Variants in ARCN1 observed in about 807,000 individuals in gnomAD.
ARCN1 encodes the protein archain 1 coat protein complex I subunit delta.
In ARCN1, 5 loss-of-function variants were observed where a neutral mutation model predicts 60.4. The observed-to-expected ratio is 0.08, with a 90% CI of 0.04 to 0.17. The LOEUF is 0.17. Ranked by LOEUF, ARCN1 falls within the 10% of genes least tolerant of loss-of-function variation. The probability of loss-of-function intolerance (pLI) is 1.00; values close to 1 mark genes in which losing one functional copy is unlikely to be tolerated. For synonymous variants in ARCN1, 224 were observed against 220.0 expected, an observed-to-expected ratio of 1.02 and a Z score of -0.16; for missense variants, 464 against 626.5, an observed-to-expected ratio of 0.74 and a Z score of 2.77.
chr11:118,576,277 C>CA (rs1555073546), intron 1 of ARCN1, among the ~76,000 whole-genome samples: 1 of 150,820 alleles, frequency 6.6e-6, no homozygotes, highest in East Asian at 1.9e-4. Context: ...AGTTGTTTGG[C>CA]AAAGCTCAAC....
Position 118,583,954 on chromosome 11 carries a change from C to T in ARCN1, c.593C>T (p.Ala198Val), listed in dbSNP as rs1329020724. ...GCAGTATCTGGAGGCAGCACAGCTGCCATGATCACAGAGACCATCATTGAA... is the reference window on the plus strand; with the variant it reads ...GCAGTATCTGGAGGCAGCACAGCTGTCATGATCACAGAGACCATCATTGAA... The part of the protein sequence containing the change: ...SSAVSGGSTA[A>V]MITETIIETD... The change falls in exon 4 of 10, where the codon GCC (alanine) becomes GTC (valine). Residue 198 changes from alanine (A) to valine (V), a missense_variant. Around this residue, in one of 2 missense-constraint regions of ARCN1, gnomAD observed 359 missense variants for 440.2 expected, o/e 0.82. Transcript: ENST00000264028. The T allele has an allele frequency of 6.2e-6, 10 of 1,614,110 alleles. No individual in the cohort carries two copies. The highest frequency in any genetic ancestry group is 7.6e-6 in the Non-Finnish European group (9 of 1,180,054).
intron 6 of ARCN1, among the ~76,000 whole-genome samples, chr11:118,590,978 G>A (rs1012353201): frequency 2.6e-5 from 4 of 152,196 alleles, no homozygotes; most frequent in Non-Finnish European, 5.9e-5. Context: ...TGAGGGCTGA[G>A]CAACAAGACC....
chr11:118,587,859 T>C (rs908031035), intron 5 of ARCN1, among the ~76,000 whole-genome samples: 2 of 152,206 alleles, frequency 1.3e-5, no homozygotes, highest in African/African-American at 4.8e-5. Flanking sequence ...GTTCAATTAA[T>C]CTGCTAGAGC....
At chr11:118,576,027 T>G (rs1004403517) in intron 1 of ARCN1, among the ~76,000 whole-genome samples, 1 of 152,160 alleles carries the variant, frequency 6.6e-6, no homozygotes, top group Middle Eastern at 3.4e-3. Flanking sequence ...TTACAGAACT[T>G]TAAAGACACA....
At chr11:118,590,674 AGAGT>A (rs1938884998) in intron 6 of ARCN1, among the ~76,000 whole-genome samples, 168 bp downstream of exon 6, 1 of 152,224 alleles carries the variant, frequency 6.6e-6, no homozygotes, top group Non-Finnish European at 1.5e-5. Flanking sequence ...TAGCTACCTG[AGAGT>A]GAGTAAAGCA....
At chr11:118,582,160 G>A (rs782502906) in intron 2 of ARCN1, among the ~76,000 whole-genome samples, 3 of 151,882 alleles carry the variant, frequency 2.0e-5, no homozygotes, top group South Asian at 2.1e-4. Flanking sequence ...TTTTAAAGAC[G>A]GAGTCTCGCT....
intron 8 of ARCN1, 32 bp from the exon 9 acceptor site, chr11:118,597,675 A>G (rs887374838): frequency 6.2e-7 from 1 of 1,610,468 alleles, no homozygotes; most frequent in Non-Finnish European, 8.5e-7. Context: ...AGCTCTGAAC[A>G]GCTACCTTGA....
At chr11:118,576,785 G>A (rs1324545837) in intron 1 of ARCN1, among the ~76,000 whole-genome samples, 2 of 152,064 alleles carry the variant, frequency 1.3e-5, no homozygotes, top group African/African-American at 2.4e-5. Flanking sequence ...GGGGAACTAT[G>A]GTCCTATTTT....
intron 5 of ARCN1, among the ~76,000 whole-genome samples, chr11:118,588,463 G>A (rs1693297892): frequency 6.6e-6 from 1 of 152,148 alleles, no homozygotes; most frequent in African/African-American, 2.4e-5. Flanking sequence ...CGGTATGTAT[G>A]TATATCATAA....
At chr11:118,590,998 C>A (rs1288394580) in intron 6 of ARCN1, among the ~76,000 whole-genome samples, 1 of 152,184 alleles carries the variant, frequency 6.6e-6, no homozygotes. Context: ...CCTATCTCTA[C>A]AAAAACTTAA....
chr11:118,584,057 A>G (rs1555075107), intron 4 of ARCN1, 43 bp downstream of exon 4: 26 of 1,557,734 alleles, frequency 1.7e-5, no homozygotes, highest in South Asian at 3.4e-5. Flanking sequence ...AAGGGTGTAT[A>G]TGTGTCTATC....
In ARCN1 at chr11:118,583,889, G is replaced by A. The variant is rs1555075038; in HGVS notation, c.528G>A (p.Gln176=). The A allele has an allele frequency of 6.2e-7, 1 of 1,614,090 alleles. No individual in the cohort carries two copies. Among genetic ancestry groups the A allele is most frequent in the African/African-American group, 1.3e-5 (1 of 74,934 alleles). The change falls in exon 4 of 10, where the codon CAG becomes CAA. Residue 176 remains glutamine (Q), a synonymous_variant. Transcript: ENST00000264028. ...LQQARRDAER[Q]GKKAPGFGGF... ...AGGCCCGAAGAGATGCAGAGAGACAGGGCAAAAAAGCACCAGGATTTGGCG... is the reference window on the plus strand; with the variant it reads ...AGGCCCGAAGAGATGCAGAGAGACAAGGCAAAAAAGCACCAGGATTTGGCG...
intron 1 of ARCN1, among the ~76,000 whole-genome samples, chr11:118,576,866 C>T (rs2135533205): frequency 6.6e-6 from 1 of 152,200 alleles, no homozygotes; most frequent in South Asian, 2.1e-4. Flanking sequence ...TACCCTACTT[C>T]TTTCTTCATC....
chr11:118,593,753 ACT>A, intron 8 of ARCN1, 55 bp downstream of exon 8: 2 of 1,282,580 alleles, frequency 1.6e-6, no homozygotes, highest in South Asian at 1.2e-5. Context: ...GTCTTTTGGA[ACT>A]CATTTTGGAG....
chr11:118,602,007 A>G lies in ARCN1; in HGVS notation c.*1293A>G, dbSNP rs1169265100. ...CTTCCAGACTGCACTCTCTGTCATC[A>G]GTCCCCTCCTTTCTAACAGAAATGG... On this transcript the variant is annotated 3_prime_UTR_variant, in exon 10 of 10. Transcript: ENST00000264028. The G allele has an allele frequency of 1.3e-5, 5 of 384,836 alleles. No individual in the cohort carries two copies. The highest frequency in any genetic ancestry group is 8.1e-5 in the African/African-American group (4 of 49,088). 23.8% of individuals were successfully genotyped at this position (384,836 alleles called of 1,614,324 possible). A position where few individuals can be genotyped will look rare whatever the true frequency, so the allele number is the denominator to read the frequency against.
chr11:118,590,603 T>C (rs550572232), intron 6 of ARCN1, 97 bp downstream of exon 6: 157 of 1,274,274 alleles, frequency 1.2e-4, no homozygotes, highest in Non-Finnish European at 1.7e-4. Flanking sequence ...GAAAATTACT[T>C]AAGTTATATA....
At position 118,583,998 on chromosome 11, in the gene ARCN1, G is replaced by A. The variant is rs782484136; in HGVS notation, c.637G>A (p.Ala213Thr). The A allele has an allele frequency of 1.9e-6, 3 of 1,614,056 alleles. No individual in the cohort carries two copies. The change falls in exon 4 of 10, where the codon GCA becomes ACA. Residue 213 changes from alanine to threonine, a missense_variant. Ala to Thr is a moderately conservative substitution (Grantham distance 58). Transcript: ENST00000264028. Reference sequence around the variant, plus strand: ...CATTGAAACTGATAAACCAAAAGTGGCACCTGCACCAGCCAGGTATAATCC... The same window carrying A: ...CATTGAAACTGATAAACCAAAAGTGACACCTGCACCAGCCAGGTATAATCC... ...TIIETDKPKV[A>T]PAPARPSGPS...
At chr11:118,599,274 G>A (rs782596729) in intron 9 of ARCN1, among the ~76,000 whole-genome samples, 1 of 151,624 alleles carries the variant, frequency 6.6e-6, no homozygotes, top group Non-Finnish European at 1.5e-5. Context: ...TGTATTTTTA[G>A]TAAAGACGGT....
At chr11:118,597,662 TC>T (rs782327231) in intron 8 of ARCN1, 44 bp from the exon 9 acceptor site, 471 of 1,601,576 alleles carry the variant, frequency 2.9e-4, no homozygotes, top group Non-Finnish European at 3.9e-4. Flanking sequence ...GTGGTGGAGT[TC>T]TAGCTCTGAA....
Sources: allele counts gnomAD v4.1 joint callset (sites outside exome capture counted in the v4.1 genomes callset), GRCh38; gene constraint gnomAD v4.1.1; regional missense constraint gnomAD v4.1.1; transcripts MANE v1.5; gene names NCBI Gene and HGNC (gene_info 2026-07-23, HGNC 2026-07-21).